KDM6A: variants seen among roughly 807,000 people sequenced by gnomAD.
KDM6A encodes the protein lysine demethylase 6A.
In KDM6A, 11 loss-of-function variants were observed where a neutral mutation model predicts 117.6. The observed-to-expected ratio is 0.09, with a 90% confidence interval of 0.06 to 0.15. The LOEUF is 0.15. Among genes scored for constraint, KDM6A ranks in the 10% least tolerant of loss-of-function variants. The pLI is 1.00. For missense variants in KDM6A, 799 were observed against 1,077.3 expected (o/e 0.74, Z 3.62); for synonymous variants, 384 against 396.1 (o/e 0.97, Z 0.36).
chrX:45,045,993 GA>G (rs766414628), intron 8 of KDM6A, among the ~76,000 whole-genome samples: 1 of 111,523 alleles, frequency 9.0e-6, no homozygotes, highest in Non-Finnish European at 1.9e-5. Context: ...CCTAATAAAA[GA>G]CAGTATAATA....
At chrX:45,004,884 T>TAACTCGACCCAC (rs989909517) in intron 4 of KDM6A, among the ~76,000 whole-genome samples, 1 of 110,573 alleles carries the variant, frequency 9.0e-6, no homozygotes, top group African/African-American at 3.3e-5. Flanking sequence ...AGATGGACAT[T>TAACTCGACCCAC]AACTCGACCC....
intron 4 of KDM6A, among the ~76,000 whole-genome samples, chrX:44,989,345 C>G (rs912692180): frequency 1.9e-5 from 2 of 107,233 alleles, no homozygotes; most frequent in Non-Finnish European, 3.8e-5. Context: ...ACTCCTTGCA[C>G]TTCCCGGGTG....
intron 7 of KDM6A, 137 bp from the exon 8 acceptor site, chrX:45,037,516 TAA>T: frequency 2.1e-6 from 1 of 474,851 alleles, no homozygotes; most frequent in South Asian, 3.8e-5. Flanking sequence ...TAAAAGCAAA[TAA>T]AAGTTATGTT....
At chrX:45,012,263 C>T (rs1029259482) in intron 5 of KDM6A, among the ~76,000 whole-genome samples, 2 of 96,126 alleles carry the variant, frequency 2.1e-5, no homozygotes, top group Non-Finnish European at 4.1e-5. Context: ...AGCAGTGGCA[C>T]GATCTTGGCT....
intron 8 of KDM6A, among the ~76,000 whole-genome samples, chrX:45,046,843 T>A (rs1390546960): frequency 9.0e-6 from 1 of 111,510 alleles, no homozygotes; most frequent in Non-Finnish European, 1.9e-5. Context: ...TAGACCCAAG[T>A]ACATGTAGAA....
At chrX:44,937,998 C>G (rs888110528) in intron 2 of KDM6A, among the ~76,000 whole-genome samples, 1 of 111,718 alleles carries the variant, frequency 9.0e-6, no homozygotes, top group Non-Finnish European at 1.9e-5. Flanking sequence ...TTTAAAGACA[C>G]AGGGTCTCAC....
chrX:44,995,515 A>G (rs1047278768), intron 4 of KDM6A, among the ~76,000 whole-genome samples: 1 of 110,620 alleles, frequency 9.0e-6, no homozygotes, highest in Non-Finnish European at 1.9e-5. Context: ...TGTCTCCCCC[A>G]GGCTGGAGTG....
At chrX:44,922,266 C>G (rs1821029805) in intron 2 of KDM6A, among the ~76,000 whole-genome samples, 2 of 106,275 alleles carry the variant, frequency 1.9e-5, no homozygotes, top group South Asian at 8.7e-4. Context: ...CTGGTCCAGG[C>G]TGGTCTTGAA....
chrX:44,934,024 A>G (rs773858933), intron 2 of KDM6A, among the ~76,000 whole-genome samples: 2 of 112,804 alleles, frequency 1.8e-5, no homozygotes, highest in African/African-American at 6.4e-5. Context: ...AAATATTAAG[A>G]TGTCTGTTTA....
At chrX:44,894,245 T>A (rs1468615206) in intron 2 of KDM6A, among the ~76,000 whole-genome samples, 4 of 112,013 alleles carry the variant, frequency 3.6e-5, no homozygotes, top group African/African-American at 1.3e-4. Context: ...TAAAATGAGT[T>A]CCCTTCTATT....
intron 4 of KDM6A, among the ~76,000 whole-genome samples, chrX:44,997,727 G>T (rs912350551): frequency 3.6e-5 from 4 of 111,784 alleles, no homozygotes; most frequent in African/African-American, 1.3e-4. Context: ...GCATGTATTA[G>T]AAACTATAAC....
intron 27 of KDM6A, among the ~76,000 whole-genome samples, chrX:45,105,053 T>G (rs1362909789): frequency 2.7e-5 from 3 of 111,637 alleles, no homozygotes; most frequent in African/African-American, 9.8e-5. Context: ...AGCCTGATAC[T>G]CCATAGAACC....
At chrX:45,099,424 T>C (rs1246303351) in intron 27 of KDM6A, among the ~76,000 whole-genome samples, 1 of 110,964 alleles carries the variant, frequency 9.0e-6, no homozygotes, top group African/African-American at 3.3e-5. Flanking sequence ...ATTTTCTTCT[T>C]GAAGACAGCA....
intron 3 of KDM6A, among the ~76,000 whole-genome samples, chrX:44,971,177 T>C (rs929936767): frequency 4.5e-5 from 5 of 111,909 alleles, no homozygotes; most frequent in Non-Finnish European, 9.4e-5. Flanking sequence ...TTTGCTTTTC[T>C]TTTTAGAAGA....
intron 6 of KDM6A, among the ~76,000 whole-genome samples, chrX:45,026,549 C>T (rs1314450032): frequency 2.7e-5 from 3 of 109,833 alleles, no homozygotes; most frequent in African/African-American, 1.0e-4. Context: ...TATTGTGGGC[C>T]GGGCGCAGTG....
At chrX:44,927,212 T>A (rs1316538700) in intron 2 of KDM6A, among the ~76,000 whole-genome samples, 2 of 110,932 alleles carry the variant, frequency 1.8e-5, no homozygotes, top group South Asian at 3.8e-4. Context: ...GTCAAAAAAA[T>A]CCTATAAAGT....
At chrX:44,878,638 C>T (rs2031922328) in intron 2 of KDM6A, among the ~76,000 whole-genome samples, 1 of 111,531 alleles carries the variant, frequency 9.0e-6, no homozygotes, top group Non-Finnish European at 1.9e-5. Flanking sequence ...TTCTGGTTTT[C>T]TTTTTCAGTA....
intron 8 of KDM6A, among the ~76,000 whole-genome samples, chrX:45,046,753 C>G (rs1410331264): frequency 5.4e-5 from 6 of 110,991 alleles, no homozygotes; most frequent in Admixed American, 2.9e-4. Context: ...TATACTAACC[C>G]AATAAAACTT....
At chrX:44,995,700 T>A (rs1174256555) in intron 4 of KDM6A, among the ~76,000 whole-genome samples, 5 of 111,415 alleles carry the variant, frequency 4.5e-5, no homozygotes, top group African/African-American at 1.6e-4. Flanking sequence ...ACTCCTGACC[T>A]CAGGTGATCC....
Sources: allele counts gnomAD v4.1 joint callset (sites outside exome capture counted in the v4.1 genomes callset), GRCh38; gene constraint gnomAD v4.1.1; transcripts MANE v1.5; gene names NCBI Gene and HGNC (gene_info 2026-07-23, HGNC 2026-07-21).